The following INSL6 variants were observed in gnomAD, a reference collection of about 807,000 sequenced individuals.
INSL6 encodes insulin like 6.
A neutral mutation model predicts 9.4 loss-of-function variants in INSL6; 16 were observed. The observed-to-expected ratio is 1.70, with a 90% CI of 1.15 to 2.59. INSL6 has a LOEUF of 2.59. INSL6 is among the 30% of genes most tolerant of loss of function. INSL6 has a pLI of 0.00. For missense variants in INSL6, 391 were observed against 257.3 expected, an observed-to-expected ratio of 1.52 and a Z score of -3.56; for synonymous variants, 154 against 96.9, an observed-to-expected ratio of 1.59 and a Z score of -3.46.
downstream of INSL6, among the ~76,000 whole-genome samples, chr9:5,122,664 G>C (rs1359644744): frequency 6.6e-6 from 1 of 152,012 alleles, no homozygotes; most frequent in Non-Finnish European, 1.5e-5. Context: ...ATTCATTATA[G>C]GGAAATAACA....
chr9:5,113,424 TAAAAAAAA>T, the INSL6 span: 76 of 114,120 alleles, frequency 6.7e-4, no homozygotes, highest in South Asian at 1.4e-3. Flanking sequence ...ATTAGTTATT[TAAAAAAAA>T]AAAAAAAAAA....
At chr9:5,126,202 GT>G in intron 3 of INSL6, 1 of 590,682 alleles carries the variant, frequency 1.7e-6, no homozygotes, top group Non-Finnish European at 3.0e-6. Flanking sequence ...AAAGTAGTTT[GT>G]TTTGAAAAGG....
chr9:5,144,608 G>C (rs963155946), intron 2 of INSL6, among the ~76,000 whole-genome samples: 1 of 152,160 alleles, frequency 6.6e-6, no homozygotes, highest in Non-Finnish European at 1.5e-5. Context: ...TTGTGTGGCG[G>C]TCTAAGTCTC....
At chr9:5,046,075 A>G in the INSL6 span, among the ~76,000 whole-genome samples, 3 of 152,116 alleles carry the variant, frequency 2.0e-5, no homozygotes, top group Non-Finnish European at 4.4e-5. Flanking sequence ...AGCCATCTCT[A>G]TGGGTTTGAG....
intron 1 of INSL6, among the ~76,000 whole-genome samples, chr9:5,172,876 C>T (rs907018768): frequency 1.3e-5 from 2 of 151,284 alleles, no homozygotes; most frequent in Non-Finnish European, 2.9e-5. Context: ...TGCAGTGAGC[C>T]GAGATCATGC....
At chr9:5,093,962 TC>T in the INSL6 span, among the ~76,000 whole-genome samples, 1 of 151,916 alleles carries the variant, frequency 6.6e-6, no homozygotes, top group African/African-American at 2.4e-5. Flanking sequence ...TAAAGTGCCC[TC>T]CCCCCATAAA....
the INSL6 span, chr9:5,041,412 T>C: frequency 3.2e-5 from 20 of 629,484 alleles, no homozygotes; most frequent in Admixed American, 4.5e-4. Context: ...CTGGAGGTGC[T>C]GGGCCACATG....
At chr9:5,035,632 C>T in the INSL6 span, among the ~76,000 whole-genome samples, 1 of 152,148 alleles carries the variant, frequency 6.6e-6, no homozygotes, top group African/African-American at 2.4e-5. Flanking sequence ...ACGGCAAAAA[C>T]CATATGATTA....
chr9:5,034,729 A>G, the INSL6 span, among the ~76,000 whole-genome samples: 1 of 152,302 alleles, frequency 6.6e-6, no homozygotes, highest in South Asian at 2.1e-4. Context: ...TCTGGGACAC[A>G]TTCAAAGCAG....
the INSL6 span, among the ~76,000 whole-genome samples, chr9:5,010,961 T>C: frequency 6.6e-6 from 1 of 152,230 alleles, no homozygotes; most frequent in Non-Finnish European, 1.5e-5. Flanking sequence ...TACTTTGTCT[T>C]CTGGCCTCCA....
chr9:5,018,009 G>C, the INSL6 span, among the ~76,000 whole-genome samples: 1 of 152,134 alleles, frequency 6.6e-6, no homozygotes, highest in Non-Finnish European at 1.5e-5. Context: ...ATGAGGTTTT[G>C]TAAGTGGCAT....
chr9:5,019,868 A>C, the INSL6 span, among the ~76,000 whole-genome samples: 2 of 152,102 alleles, frequency 1.3e-5, no homozygotes, highest in Non-Finnish European at 2.9e-5. Flanking sequence ...GGCTGTGGTG[A>C]ACTTTTGCTG....
chr9:5,083,931 T>G, the INSL6 span, among the ~76,000 whole-genome samples: 214 of 152,274 alleles, frequency 1.4e-3, 3 homozygotes, highest in Non-Finnish European at 2.5e-4. Flanking sequence ...ATTCTATATC[T>G]TGCTATTTTT....
the INSL6 span, among the ~76,000 whole-genome samples, chr9:5,040,510 A>G: frequency 7.2e-5 from 11 of 152,366 alleles, no homozygotes; most frequent in Admixed American, 2.0e-4. Flanking sequence ...AAAATGCGAA[A>G]AGACCACCCA....
the INSL6 span, among the ~76,000 whole-genome samples, chr9:5,030,288 A>T: frequency 6.6e-6 from 1 of 152,214 alleles, no homozygotes; most frequent in African/African-American, 2.4e-5. Flanking sequence ...ACTTTTTAAA[A>T]AGTTGACGTG....
the INSL6 span, among the ~76,000 whole-genome samples, chr9:5,063,701 T>A: frequency 6.6e-6 from 1 of 151,950 alleles, no homozygotes; most frequent in Non-Finnish European, 1.5e-5. Flanking sequence ...AAGAGTGTTT[T>A]GAAGTTTTTG....
intron 1 of INSL6, among the ~76,000 whole-genome samples, chr9:5,174,809 C>G (rs1358855923): frequency 2.0e-5 from 3 of 152,170 alleles, no homozygotes; most frequent in African/African-American, 7.2e-5. Flanking sequence ...TCAACATGTC[C>G]AAAACTGAAC....
chr9:5,130,651 T>G (rs1374124116), intron 3 of INSL6, among the ~76,000 whole-genome samples: 1 of 152,084 alleles, frequency 6.6e-6, no homozygotes, highest in African/African-American at 2.4e-5. Context: ...AAGTTTAAGG[T>G]CCTCCAAATA....
At chr9:5,126,314 G>T in intron 3 of INSL6, 3 of 1,520,242 alleles carry the variant, frequency 2.0e-6, no homozygotes, top group Non-Finnish European at 2.7e-6. Context: ...AAAAAATATT[G>T]AAAGTGGGTT....
Sources: gnomAD v4.1 joint callset for allele counts (sites outside exome capture counted in the v4.1 genomes callset) on GRCh38, gnomAD v4.1.1 for gene constraint, MANE v1.5 for transcripts, NCBI Gene and HGNC (gene_info 2026-07-23, HGNC 2026-07-21) for gene names.